Variants in STAU2 observed in about 807,000 individuals in gnomAD.
The protein encoded by STAU2 is staufen double-stranded RNA binding protein 2.
Under a neutral mutation model 65.9 loss-of-function variants are expected in STAU2, and 20 were observed. The ratio of observed to expected loss-of-function variants is 0.30; its 90% CI spans 0.21 to 0.44. The LOEUF (loss-of-function observed/expected upper bound fraction) is 0.44, where lower values mean the gene tolerates loss of function less well. Among genes scored for constraint, STAU2 ranks in the 20% least tolerant of loss-of-function variants. The pLI is 1.00. For synonymous variants in STAU2, 232 were observed against 233.9 expected, an observed-to-expected ratio of 0.99 and a Z score of 0.07; for missense variants, 558 against 683.9, an observed-to-expected ratio of 0.82 and a Z score of 2.05.
At chr8:73,432,272 T>G (rs1296213006) in intron 13 of STAU2, among the ~76,000 whole-genome samples, 1 of 152,246 alleles carries the variant, frequency 6.6e-6, no homozygotes, top group East Asian at 1.9e-4. Context: ...ACAGTAGTCA[T>G]ATATGCAGTT....
chr8:73,488,758 C>T (rs1821033472), intron 13 of STAU2, among the ~76,000 whole-genome samples: 1 of 150,852 alleles, frequency 6.6e-6, no homozygotes, highest in Admixed American at 6.6e-5. Flanking sequence ...CAAGATTGAT[C>T]TCCTGGGTCC....
intron 6 of STAU2, among the ~76,000 whole-genome samples, chr8:73,624,351 T>C (rs571744779): frequency 6.6e-6 from 1 of 152,314 alleles, no homozygotes; most frequent in East Asian, 1.9e-4. Context: ...AGCCCCATTA[T>C]TGTAAACACA....
intron 13 of STAU2, among the ~76,000 whole-genome samples, chr8:73,442,642 G>A (rs1007534058): frequency 6.6e-6 from 1 of 152,120 alleles, no homozygotes; most frequent in Non-Finnish European, 1.5e-5. Flanking sequence ...GAAACTGCTA[G>A]TACTGTTAAG....
At chr8:73,438,264 C>T (rs17218256) in intron 13 of STAU2, among the ~76,000 whole-genome samples, 2 of 152,058 alleles carry the variant, frequency 1.3e-5, no homozygotes, top group African/African-American at 2.4e-5. Context: ...CCAGGCACCA[C>T]GCTGGGCGCT....
chr8:73,742,546 T>TA (rs889880982), intron 1 of STAU2, among the ~76,000 whole-genome samples: 46 of 147,818 alleles, frequency 3.1e-4, no homozygotes, highest in East Asian at 7.9e-4. Context: ...TAAAAATAAT[T>TA]AAAAAAAAAA....
chr8:73,711,997 T>A (rs1398860392), intron 3 of STAU2, among the ~76,000 whole-genome samples: 1 of 152,164 alleles, frequency 6.6e-6, no homozygotes, highest in Non-Finnish European at 1.5e-5. Context: ...GAGAGCTCAG[T>A]AATACAGCAA....
At chr8:73,689,147 G>C (rs1819149975) in intron 4 of STAU2, among the ~76,000 whole-genome samples, 1 of 152,186 alleles carries the variant, frequency 6.6e-6, no homozygotes, top group Non-Finnish European at 1.5e-5. Flanking sequence ...GAAATAATAA[G>C]AGAAACTGTA....
chr8:73,686,411 G>A (rs539998432), intron 5 of STAU2, among the ~76,000 whole-genome samples: 12 of 152,050 alleles, frequency 7.9e-5, no homozygotes, highest in Non-Finnish European at 1.2e-4. Flanking sequence ...TTAGTCAGGC[G>A]TGGTGGCACA....
chr8:73,546,958 C>G (rs984228115), intron 13 of STAU2, among the ~76,000 whole-genome samples: 3 of 152,146 alleles, frequency 2.0e-5, no homozygotes, highest in African/African-American at 7.2e-5. Flanking sequence ...CTTGATTTTT[C>G]AAATAATTCC....
In STAU2 at chr8:73,481,836, T is replaced by G. The variant is rs368750252; in HGVS notation, c.1531-59134A>C. ...TTTGGGGATGAATCACAGTTGAGTA[T>G]GACTCAAAAATTCCCTCCTCTTAAA... On this transcript the variant is annotated intron_variant, in intron 13 of 14. Coordinates refer to ENST00000524300, the MANE Select transcript of STAU2 (RefSeq NM_001164380.2). Among the ~76,000 whole-genome samples the G allele has an allele frequency of 7.4e-4, 113 of 152,264 alleles. 1 individual carries two copies. In the South Asian group the frequency reaches 0.022, roughly 30 times the overall value.
At chr8:73,725,654 G>A (rs1027895295) in intron 3 of STAU2, among the ~76,000 whole-genome samples, 7 of 152,164 alleles carry the variant, frequency 4.6e-5, no homozygotes, top group Non-Finnish European at 7.3e-5. Flanking sequence ...AAAATTAACT[G>A]AGCATAGTGG....
intron 11 of STAU2, among the ~76,000 whole-genome samples, chr8:73,594,142 T>C (rs982880890): frequency 2.6e-5 from 4 of 152,158 alleles, no homozygotes; most frequent in African/African-American, 9.7e-5. Flanking sequence ...ATAAGGACTA[T>C]AGAAACTGGA....
In STAU2 at chr8:73,575,381, A is replaced by G. The variant is rs1433183928; in HGVS notation, c.1222+7389T>C. Among the ~76,000 whole-genome samples, 6 of 152,292 alleles carry G rather than the reference A, an allele frequency of 3.9e-5. No individual in the cohort carries two copies. The East Asian group carries it at 5.8e-4, about 15-fold the overall frequency. ...GCTGTAGGGAAACAGGAAATCTCCTACACTGATGGTAGAGACGTAAACTGC... is the reference window on the plus strand; with the variant it reads ...GCTGTAGGGAAACAGGAAATCTCCTGCACTGATGGTAGAGACGTAAACTGC... On this transcript the variant is annotated intron_variant, in intron 12 of 14. Transcript: ENST00000524300.
intron 13 of STAU2, among the ~76,000 whole-genome samples, chr8:73,483,051 C>CAGAGTA (rs4007398): frequency 0.65 from 98,171 of 151,270 alleles, 32,299 homozygotes; most frequent in East Asian, 0.91. Flanking sequence ...GCCCCATACA[C>CAGAGTA]ATCAGTGGTC....
At chr8:73,666,151 T>C (rs1162493536) in intron 6 of STAU2, among the ~76,000 whole-genome samples, 3 of 152,192 alleles carry the variant, frequency 2.0e-5, no homozygotes, top group Non-Finnish European at 4.4e-5. Context: ...CTTTCCAATA[T>C]GCTTTTTAAG....
chr8:73,574,581 A>G (rs1377090355), intron 12 of STAU2, among the ~76,000 whole-genome samples: 2 of 152,238 alleles, frequency 1.3e-5, no homozygotes, highest in African/African-American at 4.8e-5. Flanking sequence ...CAGTCATAAA[A>G]AAAGGATGAC....
At chr8:73,608,569 C>CCA (rs1475579600) in intron 9 of STAU2, among the ~76,000 whole-genome samples, 1 of 150,530 alleles carries the variant, frequency 6.6e-6, no homozygotes, top group Non-Finnish European at 1.5e-5. Flanking sequence ...CAAGATCATG[C>CCA]CACTGCACTC....
intron 5 of STAU2, among the ~76,000 whole-genome samples, chr8:73,677,477 T>C (rs1038825685): frequency 1.3e-4 from 20 of 152,196 alleles, no homozygotes; most frequent in African/African-American, 4.8e-4. Flanking sequence ...GTAAATTATG[T>C]ATACTTATGC....
intron 13 of STAU2, among the ~76,000 whole-genome samples, chr8:73,445,587 AG>A (rs1480899352): frequency 3.3e-5 from 5 of 151,818 alleles, no homozygotes; most frequent in Admixed American, 3.3e-4. Flanking sequence ...TACAACAGGG[AG>A]GAAATATTCG....
Sources: allele counts gnomAD v4.1 joint callset (sites outside exome capture counted in the v4.1 genomes callset), GRCh38; gene constraint gnomAD v4.1.1; transcripts MANE v1.5; gene names NCBI Gene and HGNC (gene_info 2026-07-23, HGNC 2026-07-21).